Variants in PCDHGA1 observed in about 807,000 individuals in gnomAD.
PCDHGA1 encodes the protein protocadherin gamma subfamily A, 1, also known as protocadherin gamma-A1.
PCDHGA1 carries 32 observed loss-of-function variants against 58.0 expected under a neutral mutation model. The observed-to-expected ratio is 0.55, with a 90% CI of 0.42 to 0.74. The LOEUF is 0.74. Ranked by LOEUF, PCDHGA1 falls within the 30% of genes least tolerant of loss-of-function variation. PCDHGA1 has a pLI of 0.00. For missense variants in PCDHGA1, 1,205 were observed against 1,182.3 expected (o/e 1.02, Z -0.28); for synonymous variants, 498 against 501.1 (o/e 0.99, Z 0.08).
At chr5:141,484,362 A>T (rs1460176695) in intron 1 of PCDHGA1, among the ~76,000 whole-genome samples, 1 of 152,196 alleles carries the variant, frequency 6.6e-6, no homozygotes, top group Non-Finnish European at 1.5e-5. Context: ...TATCTAGTGT[A>T]TCACTAGCAA....
intron 1 of PCDHGA1, chr5:141,385,433 G>A (rs2024141): frequency 0.085 from 123,181 of 1,452,862 alleles, 5,787 homozygotes; most frequent in East Asian, 0.14. Context: ...ACTTTATAGA[G>A]GTAAAAATGA....
At chr5:141,391,449 A>C (rs1432134490) in intron 1 of PCDHGA1, 2 of 152,026 alleles carry the variant, frequency 1.3e-5, no homozygotes, top group Admixed American at 1.3e-4. Context: ...ACTAGCTGGA[A>C]CTCAGGCTCA....
intron 1 of PCDHGA1, among the ~76,000 whole-genome samples, chr5:141,402,436 A>G (rs1441746239): frequency 2.6e-5 from 4 of 152,178 alleles, no homozygotes; most frequent in African/African-American, 9.6e-5. Flanking sequence ...GCATCATAAA[A>G]AGGAAATTAT....
At chr5:141,378,549 TAAAG>T (rs1207293265) in intron 1 of PCDHGA1, 5 of 152,122 alleles carry the variant, frequency 3.3e-5, no homozygotes, top group East Asian at 1.9e-4. Flanking sequence ...AATTAATAAA[TAAAG>T]AGTGAACATG....
chr5:141,431,582 G>A lies in PCDHGA1; in HGVS notation c.2422-63225G>A. On this transcript the variant is annotated intron_variant, in intron 1 of 3. Coordinates refer to ENST00000517417, the MANE Select transcript of PCDHGA1 (RefSeq NM_018912.3). The surrounding 1 kb of genome is among the most constrained non-coding windows in gnomAD (Gnocchi z 4.8). Reference sequence around the variant, plus strand: ...TACCGACCCTGACGAAGGAGTCAATGCGGAAGTGAGGTATTCCTTCCGGTA... The same window carrying A: ...TACCGACCCTGACGAAGGAGTCAATACGGAAGTGAGGTATTCCTTCCGGTA... The A allele has an allele frequency of 6.2e-7, 1 of 1,614,210 alleles. No homozygotes were observed. Among genetic ancestry groups the A allele is most frequent in the Non-Finnish European group, 8.5e-7 (1 of 1,180,036 alleles).
At chr5:141,409,081 A>G (rs1220843821) in intron 1 of PCDHGA1, 3 of 1,613,820 alleles carry the variant, frequency 1.9e-6, no homozygotes, top group Non-Finnish European at 2.5e-6. Context: ...ATATGTTCTC[A>G]TTGGATGAGA....
At chr5:141,365,016 G>A (rs1763680175) in intron 1 of PCDHGA1, 1 of 1,613,880 alleles carries the variant, frequency 6.2e-7, no homozygotes. Flanking sequence ...ACGCACATCC[G>A]TGTTACGGTC....
chr5:141,399,443 G>A, intron 1 of PCDHGA1: 1 of 1,614,018 alleles, frequency 6.2e-7, no homozygotes, highest in Non-Finnish European at 8.5e-7. Flanking sequence ...CTACATATCA[G>A]AGACGTCAAC....
At chr5:141,362,466 G>T (rs753193547) in intron 1 of PCDHGA1, 19 of 1,613,922 alleles carry the variant, frequency 1.2e-5, no homozygotes, top group Non-Finnish European at 1.6e-5. Flanking sequence ...TGGTTCCCGC[G>T]CAAGATCTCG....
At chr5:141,379,827 G>A (rs1217798060) in intron 1 of PCDHGA1, among the ~76,000 whole-genome samples, 3 of 142,646 alleles carry the variant, frequency 2.1e-5, no homozygotes, top group Non-Finnish European at 3.0e-5. Flanking sequence ...GAATTTTGAA[G>A]CATCAGGAAA....
At position 141,487,670 on chromosome 5, in the gene PCDHGA1, T is replaced by C. The variant is rs2099658277; in HGVS notation, c.2422-7137T>C. 2 of 1,612,302 alleles carry C rather than the reference T, an allele frequency of 1.2e-6. No homozygotes were observed. Among genetic ancestry groups the C allele is most frequent in the Non-Finnish European group, 1.7e-6 (2 of 1,179,082 alleles). On this transcript the variant is annotated intron_variant, in intron 1 of 3. Transcript: ENST00000517417. The surrounding 1 kb of genome is among the most constrained non-coding windows in gnomAD (Gnocchi z 5.0). The stretch of plus-strand genomic sequence containing the variant: ...TGAGGGTTATTCTGATCCAGGCATA[T>C]GGCTAGGCCATGTCCTAGAGAGTAC...
Position 141,332,329 on chromosome 5 carries a change from A to G in PCDHGA1, c.1645A>G (p.Ser549Gly). The G allele has an allele frequency of 6.2e-7, 1 of 1,614,196 alleles. No homozygotes were observed. The highest frequency in any genetic ancestry group is 1.1e-5 in the South Asian group (1 of 91,086). Residue 549 changes from serine to glycine, a missense_variant, in exon 1 of 4, where the codon AGC becomes GGC. Transcript: ENST00000517417. This position sits in a 1 kb window ranked among gnomAD's most constrained non-coding sequence, Gnocchi z 4.6. ...GCCCCTCAGCAGCAACGTGTCTCTC[A>G]GCCTATTCCTGCTGGACCAGAACGA... Reference protein sequence around the residue: ...DPPLSSNVSLSLFLLDQNDNA... With the variant: ...DPPLSSNVSLGLFLLDQNDNA...
At chr5:141,377,813 T>C (rs1254239547) in intron 1 of PCDHGA1, 2 of 152,194 alleles carry the variant, frequency 1.3e-5, no homozygotes, top group African/African-American at 2.4e-5. Flanking sequence ...TGTTATTTAC[T>C]TGGGCCAGTT....
chr5:141,478,302 C>T lies in PCDHGA1; in HGVS notation c.2422-16505C>T. On this transcript the variant is annotated intron_variant, in intron 1 of 3. Transcript: ENST00000517417. ...AAGCAGTCTAGAGACCTATACCGAG[C>T]CCCGGTGAGCTCACTGTACCGAACA... 4 of 1,614,070 alleles carry T rather than the reference C, an allele frequency of 2.5e-6. No individual in the cohort carries two copies. Among genetic ancestry groups the T allele is most frequent in the Non-Finnish European group, 3.4e-6 (4 of 1,180,038 alleles).
Position 141,491,034 on chromosome 5 carries a change from T to G in PCDHGA1, c.2422-3773T>G, listed in dbSNP as rs375902824. 1 of 1,614,170 alleles carries G rather than the reference T, an allele frequency of 6.2e-7. No homozygotes were observed. The highest frequency in any genetic ancestry group is 8.5e-7 in the Non-Finnish European group (1 of 1,180,024). On this transcript the variant is annotated intron_variant, in intron 1 of 3. Coordinates refer to ENST00000517417, the MANE Select transcript of PCDHGA1 (RefSeq NM_018912.3). The surrounding 1 kb of genome is among the most constrained non-coding windows in gnomAD (Gnocchi z 6.9). ...CCAAGGTGACAGCCGTGGATGCTGATGCAGGCCACAATGCGTGGCTCTCCT... is the reference window on the plus strand; with the variant it reads ...CCAAGGTGACAGCCGTGGATGCTGAGGCAGGCCACAATGCGTGGCTCTCCT...
At chr5:141,407,013 C>T (rs550387003) in intron 1 of PCDHGA1, among the ~76,000 whole-genome samples, 28 of 152,216 alleles carry the variant, frequency 1.8e-4, no homozygotes, top group Middle Eastern at 6.8e-3. Context: ...TTGAAGTTGA[C>T]TCAAAATTCT....
chr5:141,350,249 A>AG, intron 1 of PCDHGA1: 3 of 1,506,754 alleles, frequency 2.0e-6, no homozygotes, highest in South Asian at 2.8e-5. Context: ...AGCTCCGCGG[A>AG]GAGTTCCTGA....
At chr5:141,355,876 G>T in intron 1 of PCDHGA1, 4 of 1,613,034 alleles carry the variant, frequency 2.5e-6, no homozygotes, top group Non-Finnish European at 3.4e-6. Flanking sequence ...CTCTGGCACT[G>T]CCAGGATTCT....
intron 1 of PCDHGA1, chr5:141,383,110 A>G (rs754398892): frequency 1.9e-6 from 3 of 1,614,020 alleles, no homozygotes; most frequent in South Asian, 1.1e-5. Flanking sequence ...CTCCAGAGGT[A>G]GGACGCAGCT....
Sources: allele counts gnomAD v4.1 joint callset (sites outside exome capture counted in the v4.1 genomes callset), GRCh38; gene constraint gnomAD v4.1.1; non-coding constraint Gnocchi (gnomAD v3.1); transcripts MANE v1.5; gene names NCBI Gene and HGNC (gene_info 2026-07-23, HGNC 2026-07-21).